The following SOX6 variants were observed in gnomAD, a reference collection of about 807,000 sequenced individuals.
SOX6 encodes the protein transcription factor SOX-6.
Under a neutral mutation model 97.8 loss-of-function variants are expected in SOX6, and 11 were observed. That is an observed-to-expected ratio of 0.11 (90% confidence interval 0.07 to 0.19). The LOEUF is 0.19. Ranked by LOEUF, SOX6 falls within the 10% of genes least tolerant of loss-of-function variation. The pLI, the probability that SOX6 is intolerant of heterozygous loss-of-function variation, is 1.00. For synonymous variants in SOX6, 360 were observed against 371.4 expected (o/e 0.97, Z 0.35); for missense variants, 810 against 1,039.5 (o/e 0.78, Z 3.04).
intron 4 of SOX6, among the ~76,000 whole-genome samples, chr11:16,516,561 C>T (rs1399518818): frequency 2.6e-5 from 4 of 151,944 alleles, no homozygotes; most frequent in African/African-American, 4.8e-5. Context: ...TCTACGCAAA[C>T]AAACTAGAAA....
chr11:16,107,262 T>C (rs1052154341), intron 7 of SOX6, among the ~76,000 whole-genome samples: 1 of 151,612 alleles, frequency 6.6e-6, no homozygotes, highest in East Asian at 1.9e-4. Flanking sequence ...GGATTGAAAG[T>C]GGGGACTCTA....
At chr11:16,395,177 A>G (rs1858313651) in intron 1 of SOX6, among the ~76,000 whole-genome samples, 1 of 151,848 alleles carries the variant, frequency 6.6e-6, no homozygotes, top group Non-Finnish European at 1.5e-5. Flanking sequence ...ATAATGTGCA[A>G]GACCGTGTGT....
In SOX6 at chr11:16,530,010, C is replaced by A. The variant is rs553559658; in HGVS notation, n.610-53622G>T. ...TAGAAAGTCTAACTATGAAACACAG[C>A]ATAAAATCTCATTTATCCAAAATTT... On this transcript the variant is annotated intron_variant and non_coding_transcript_variant, in intron 4 of 5. Coordinates refer to the SOX6 transcript ENST00000524520. Among the ~76,000 whole-genome samples the A allele has an allele frequency of 2.6e-5, 4 of 151,966 alleles. No individual in the cohort carries two copies. The South Asian group carries it at 8.3e-4, about 32-fold the overall frequency.
At chr11:16,545,691 C>T (rs537264977) in intron 4 of SOX6, among the ~76,000 whole-genome samples, 175 of 152,260 alleles carry the variant, frequency 1.1e-3, no homozygotes, top group African/African-American at 3.7e-3. Flanking sequence ...GTGGCTCACA[C>T]CTGTAATCGT....
chr11:16,217,346 C>T (rs1170789704), intron 4 of SOX6, among the ~76,000 whole-genome samples: 2 of 152,052 alleles, frequency 1.3e-5, no homozygotes, highest in Non-Finnish European at 2.9e-5. Context: ...AAAATGTGTT[C>T]CTGGGTCCAG....
intron 4 of SOX6, among the ~76,000 whole-genome samples, chr11:16,198,583 A>G (rs1420069890): frequency 6.6e-6 from 1 of 152,194 alleles, no homozygotes; most frequent in Non-Finnish European, 1.5e-5. Flanking sequence ...GAGCCTCATA[A>G]GGAATATAAT....
chr11:16,216,631 T>G (rs1852382085), intron 4 of SOX6, among the ~76,000 whole-genome samples: 1 of 151,682 alleles, frequency 6.6e-6, no homozygotes, highest in Non-Finnish European at 1.5e-5. Flanking sequence ...AAAAAAATCA[T>G]AACTCTTCCC....
At chr11:16,100,110 T>C (rs943358546) in intron 7 of SOX6, among the ~76,000 whole-genome samples, 7 of 151,732 alleles carry the variant, frequency 4.6e-5, no homozygotes, top group African/African-American at 1.7e-4. Flanking sequence ...AGTTTAGTTT[T>C]TTAATAACAA....
intron 12 of SOX6, among the ~76,000 whole-genome samples, chr11:16,018,203 C>T (rs763475667): frequency 6.6e-6 from 1 of 152,098 alleles, no homozygotes. Flanking sequence ...CATCCATCAT[C>T]TTCACGTATT....
intron 6 of SOX6, among the ~76,000 whole-genome samples, chr11:16,119,229 A>C (rs149251491): frequency 1.6e-4 from 24 of 152,320 alleles, no homozygotes; most frequent in African/African-American, 5.3e-4. Flanking sequence ...TCTTATTGCC[A>C]AAAAGTGCAT....
At chr11:16,578,313 A>T (rs932598670) in intron 4 of SOX6, among the ~76,000 whole-genome samples, 5 of 152,198 alleles carry the variant, frequency 3.3e-5, no homozygotes, top group African/African-American at 9.6e-5. Context: ...AAGATTTCAG[A>T]ATCACTATAT....
chr11:16,007,534 T>C (rs2133853253), intron 13 of SOX6, among the ~76,000 whole-genome samples: 1 of 152,172 alleles, frequency 6.6e-6, no homozygotes, highest in Non-Finnish European at 1.5e-5. Flanking sequence ...TATCAGAACA[T>C]GAAGAAAAGG....
intron 9 of SOX6, among the ~76,000 whole-genome samples, chr11:16,087,631 A>C (rs1848605648): frequency 6.6e-6 from 1 of 152,160 alleles, no homozygotes; most frequent in South Asian, 2.1e-4. Flanking sequence ...GGAAAAAAAA[A>C]CTGAGGATAA....
chr11:16,130,109 T>C (rs1294761493), intron 6 of SOX6, among the ~76,000 whole-genome samples: 1 of 151,920 alleles, frequency 6.6e-6, no homozygotes, highest in Non-Finnish European at 1.5e-5. Flanking sequence ...AGTCACAACA[T>C]AAAAGGCCAA....
chr11:16,647,911 T>C (rs950681572), intron 3 of SOX6, among the ~76,000 whole-genome samples: 1 of 152,040 alleles, frequency 6.6e-6, no homozygotes, highest in Non-Finnish European at 1.5e-5. Flanking sequence ...ACAGGGACCC[T>C]TGGGGAAGGC....
At chr11:16,228,023 C>T (rs1179675641) in intron 4 of SOX6, among the ~76,000 whole-genome samples, 3 of 152,038 alleles carry the variant, frequency 2.0e-5, no homozygotes, top group Non-Finnish European at 2.9e-5. Context: ...CATGGTGAAA[C>T]CCTGTCTCTA....
rs189157445 is a variant in SOX6, at chr11:16,703,208, G to C, written n.429+11622C>G. The stretch of plus-strand genomic sequence containing the variant: ...ATAAAAATATATAGTTTATAAATAT[G>C]AACTAACGTCTATGAGGGTATCTCC... On this transcript the variant is annotated intron_variant and non_coding_transcript_variant, in intron 3 of 5. Transcript: ENST00000524520. Among the ~76,000 whole-genome samples the C allele has an allele frequency of 5.4e-4, 82 of 152,080 alleles. 1 individual carries two copies. In the East Asian group the frequency reaches 0.014, roughly 26 times the overall value.
At chr11:16,298,414 T>G (rs1855161392) in intron 3 of SOX6, among the ~76,000 whole-genome samples, 1 of 152,122 alleles carries the variant, frequency 6.6e-6, no homozygotes, top group South Asian at 2.1e-4. Flanking sequence ...ATTTATGTGT[T>G]TTTTTTAGAT....
At chr11:16,462,132 C>T (rs542279666) in intron 1 of SOX6, among the ~76,000 whole-genome samples, 1 of 152,324 alleles carries the variant, frequency 6.6e-6, no homozygotes, top group African/African-American at 2.4e-5. Context: ...CAGATAACCA[C>T]ATCTTTAAAT....
Sources: allele counts gnomAD v4.1 joint callset (sites outside exome capture counted in the v4.1 genomes callset), GRCh38; gene constraint gnomAD v4.1.1; transcripts MANE v1.5; gene names NCBI Gene and HGNC (gene_info 2026-07-23, HGNC 2026-07-21).